The following SH3BP1 variants were observed in gnomAD, a reference collection of about 807,000 sequenced individuals.
The protein encoded by SH3BP1 is SH3 domain-binding protein 1.
SH3BP1 carries 46 observed loss-of-function variants against 69.8 expected under a neutral mutation model. The ratio of observed to expected loss-of-function variants is 0.66; its 90% CI spans 0.52 to 0.84. The LOEUF (loss-of-function observed/expected upper bound fraction) is 0.84. Ranked by LOEUF, SH3BP1 falls within the 40% of genes least tolerant of loss-of-function variation. The probability of loss-of-function intolerance (pLI) is 0.00; values close to 1 mark genes in which losing one functional copy is unlikely to be tolerated. For synonymous variants in SH3BP1, 403 were observed against 378.0 expected, an observed-to-expected ratio of 1.07 and a Z score of -0.77; for missense variants, 868 against 930.9, an observed-to-expected ratio of 0.93 and a Z score of 0.88.
chr22:37,647,008 G>C, intron 11 of SH3BP1, 79 bp downstream of exon 11: 1 of 973,810 alleles, frequency 1.0e-6, no homozygotes, highest in Non-Finnish European at 1.5e-6. Flanking sequence ...AAGATAGCCT[G>C]GCTTTAAGAC....
In SH3BP1 at chr22:37,650,214, C is replaced by T. The variant is rs777732036; in HGVS notation, c.1379C>T (p.Ala460Val). ...ATCCAGGTGGTGGGCGTCGTCGAGG[C>T]GCTGATCCAGAGCGCAGACACCCTC... ...SSIQVVGVVE[A>V]LIQSADTLFP... The change falls in exon 15 of 18, where the codon GCG becomes GTG. Residue 460 changes from alanine (A) to valine (V), a missense_variant. Transcript: ENST00000649765. 10 of 1,613,488 alleles carry T rather than the reference C, an allele frequency of 6.2e-6. No homozygotes were observed. Among genetic ancestry groups the T allele is most frequent in the East Asian group, 4.5e-5 (2 of 44,872 alleles).
At chr22:37,641,286 C>T (rs955786962) in intron 2 of SH3BP1, 88 bp from the exon 3 acceptor site, 40 of 1,508,916 alleles carry the variant, frequency 2.7e-5, no homozygotes, top group Non-Finnish European at 3.5e-5. Context: ...AAGCTGTTGG[C>T]CATGGGGTCC....
At chr22:37,654,009 A>C in intron 17 of SH3BP1, 136 bp downstream of exon 17, 2 of 653,646 alleles carry the variant, frequency 3.1e-6, no homozygotes, top group Non-Finnish European at 5.4e-6. Flanking sequence ...AGGTCTTGCC[A>C]CCTGGCACTC....
At position 37,655,306 on chromosome 22, in the gene SH3BP1, G is replaced by T; in HGVS notation, c.1728G>T (p.Pro576=). 1 of 1,472,234 alleles carries T rather than the reference G, an allele frequency of 6.8e-7. No individual in the cohort carries two copies. The highest frequency in any genetic ancestry group is 9.0e-7 in the Non-Finnish European group (1 of 1,111,890). The allele number at this position is 1,472,234 out of a possible 1,614,324, so 91.2% of individuals were successfully genotyped here. A position where few individuals can be genotyped will look rare whatever the true frequency, so the allele number is the denominator to read the frequency against. The change falls in exon 18 of 18, where the codon CCG becomes CCT. Residue 576 remains proline, a synonymous_variant. Transcript: ENST00000649765. ...KRPAPARPTM[P]PPQVSGSRSS... is the part of the protein sequence containing the mutation. Reference sequence around the variant, plus strand: ...CGGCGCCAGCCCGGCCCACCATGCCGCCCCCCCAGGTCTCCGGCTCCCGCT... The same window carrying T: ...CGGCGCCAGCCCGGCCCACCATGCCTCCCCCCCAGGTCTCCGGCTCCCGCT...
At position 37,647,413 on chromosome 22, in the gene SH3BP1, G is replaced by C. The variant is rs780561813; in HGVS notation, c.1119-28G>C. 17 of 1,611,152 alleles carry C rather than the reference G, an allele frequency of 1.1e-5. No individual in the cohort carries two copies. The East Asian group carries it at 3.8e-4, about 36-fold the overall frequency. ...GATGCAAAGGTGTAGCCCTGCGCTG[G>C]CTGACAGGTCTCTCCACTCCCCCCC... is the stretch of plus-strand genomic sequence containing the variant. On this transcript the variant is annotated intron_variant, in intron 12 of 17. Coordinates refer to ENST00000649765, the MANE Select transcript of SH3BP1 (RefSeq NM_018957.6).
chr22:37,652,205 G>A (rs1932894164), intron 16 of SH3BP1, among the ~76,000 whole-genome samples: 1 of 151,992 alleles, frequency 6.6e-6, no homozygotes, highest in South Asian at 2.1e-4. Context: ...AGCTACTCGG[G>A]AGGCTGAGGC....
chr22:37,652,779 C>T (rs1474725025), intron 16 of SH3BP1, among the ~76,000 whole-genome samples: 3 of 140,278 alleles, frequency 2.1e-5, no homozygotes, highest in East Asian at 4.3e-4. Context: ...GAGCCAAGAT[C>T]GTGCCATTGC....
intron 7 of SH3BP1, among the ~76,000 whole-genome samples, chr22:37,644,374 G>A (rs919050489): frequency 3.3e-5 from 5 of 152,212 alleles, no homozygotes; most frequent in African/African-American, 9.7e-5. Context: ...GTGAGACTCC[G>A]TCTCAAACGA....
intron 16 of SH3BP1, among the ~76,000 whole-genome samples, chr22:37,652,521 G>T (rs896319964): frequency 1.3e-5 from 2 of 151,410 alleles, no homozygotes; most frequent in African/African-American, 2.4e-5. Context: ...AACAGAGTGA[G>T]ATCCTTTCTC....
Position 37,650,653 on chromosome 22 carries a change from C to T in SH3BP1, c.1526C>T (p.Thr509Ile). 3 of 1,614,038 alleles carry T rather than the reference C, an allele frequency of 1.9e-6. No homozygotes were observed. Among genetic ancestry groups the T allele is most frequent in the Non-Finnish European group, 1.7e-6 (2 of 1,180,018 alleles). Residue 509 changes from threonine (T) to isoleucine (I), a missense_variant, in exon 16 of 18, where the codon ACC becomes ATC. Coordinates refer to ENST00000649765, the MANE Select transcript of SH3BP1 (RefSeq NM_018957.6). ...TCCACTGCCGTGCCCACCCCAGCCA[C>T]CACCCCGGCTCCGGCTCCGGCTCCA... ...LPSTAVPTPA[T>I]TPAPAPAPAP...
Position 37,646,826 on chromosome 22 carries a change from C to T in SH3BP1, c.933C>T (p.Phe311=), listed in dbSNP as rs769545953. ...LSEGMKEEGL[F]RLAAGASVLK... ...CCTCCTCTCGAACCCAGGGTCTCTT[C>T]CGTCTGGCTGCTGGGGCCTCGGTGC... Residue 311 remains phenylalanine, a synonymous_variant, in exon 11 of 18, where the codon TTC becomes TTT. Coordinates refer to ENST00000649765, the MANE Select transcript of SH3BP1 (RefSeq NM_018957.6). 6.5e-5 allele frequency: 99 copies of T among 1,533,552 alleles called. No homozygotes were observed. The highest frequency in any genetic ancestry group is 8.2e-5 in the Non-Finnish European group (94 of 1,142,446). The allele number at this position is 1,533,552 out of a possible 1,614,324, so 95.0% of individuals were successfully genotyped here.
rs764340081 is a variant in SH3BP1, at chr22:37,642,698, T to C, written c.284+83T>C. The stretch of plus-strand genomic sequence containing the variant: ...GGAGGGGGTCCAGGTGGTGAGGGCA[T>C]CCACATCAGAAGAATGACCAGGCTG... On this transcript the variant is annotated intron_variant, in intron 4 of 17. Coordinates refer to ENST00000649765, the MANE Select transcript of SH3BP1 (RefSeq NM_018957.6). The C allele has an allele frequency of 4.3e-6, 7 of 1,609,586 alleles. No homozygotes were observed. The East Asian group carries it at 1.6e-4, about 36-fold the overall frequency.
chr22:37,644,010 G>A (rs1569006499), intron 7 of SH3BP1, among the ~76,000 whole-genome samples: 1 of 152,246 alleles, frequency 6.6e-6, no homozygotes, highest in African/African-American at 2.4e-5. Flanking sequence ...GAGTCTCCAT[G>A]TGTTTGTTTG....
Position 37,644,879 on chromosome 22 carries a change from A to G in SH3BP1, c.697A>G (p.Ile233Val), listed in dbSNP as rs1601583273. ...YANYFIRLLE[I>V]QADYHRRSLS... ...CCCTTCATCCCCACAGCTCCTGGAGATTCAGGCCGATTACCATCGCAGGTC... is the reference window on the plus strand; with the variant it reads ...CCCTTCATCCCCACAGCTCCTGGAGGTTCAGGCCGATTACCATCGCAGGTC... The change falls in exon 9 of 18, where the codon ATT becomes GTT. Residue 233 changes from isoleucine to valine, a missense_variant. Ile to Val is a conservative substitution (Grantham distance 29, BLOSUM62 3). Coordinates refer to ENST00000649765, the MANE Select transcript of SH3BP1 (RefSeq NM_018957.6). 3 of 1,613,852 alleles carry G rather than the reference A, an allele frequency of 1.9e-6. No homozygotes were observed. In the African/African-American group the frequency reaches 4.0e-5, roughly 22 times the overall value.
chr22:37,645,873 G>A (rs564793006), intron 10 of SH3BP1, among the ~76,000 whole-genome samples: 2 of 151,932 alleles, frequency 1.3e-5, no homozygotes, highest in Admixed American at 1.3e-4. Context: ...CTGTCCTGAA[G>A]ATAGACCCTA....
In SH3BP1 at chr22:37,650,642, C is replaced by T; in HGVS notation, c.1515C>T (p.Pro505=). The T allele has an allele frequency of 1.2e-6, 2 of 1,613,936 alleles. No individual in the cohort carries two copies. Among genetic ancestry groups the T allele is most frequent in the Admixed American group, 1.7e-5 (1 of 60,026 alleles). The part of the protein sequence containing the change: ...ASEELPSTAV[P]TPATTPAPAP... ...AGGAACTTCCGTCCACTGCCGTGCC[C>T]ACCCCAGCCACCACCCCGGCTCCGG... is the stretch of plus-strand genomic sequence containing the variant. Residue 505 remains proline, a synonymous_variant, in exon 16 of 18, where the codon CCC becomes CCT. Transcript: ENST00000649765.
Position 37,641,384 on chromosome 22 carries a change from G to A in SH3BP1, c.113G>A (p.Arg38Gln), listed in dbSNP as rs913082754. The A allele has an allele frequency of 1.3e-5, 20 of 1,550,790 alleles. No homozygotes were observed. The highest frequency in any genetic ancestry group is 2.7e-5 in the African/African-American group (2 of 73,058). ...LGEDLLQVEQ[R>Q]LEPAKRAAHN... is the part of the protein sequence containing the mutation. The stretch of plus-strand genomic sequence containing the variant: ...ATACCTCCTTCCCAGGTAGAACAGC[G>A]GCTGGAGCCGGCCAAGCGGGCAGCC... Residue 38 changes from arginine (R) to glutamine (Q), a missense_variant, in exon 3 of 18, where the codon CGG becomes CAG. Transcript: ENST00000649765.
chr22:37,646,847 G>C lies in SH3BP1; in HGVS notation c.954G>C (p.Ser318=), dbSNP rs768374503. The C allele has an allele frequency of 6.4e-7, 1 of 1,553,194 alleles. No homozygotes were observed. The highest frequency in any genetic ancestry group is 8.7e-7 in the Non-Finnish European group (1 of 1,151,786). ...EGLFRLAAGA[S]VLKRLKQTMA... is the part of the protein sequence containing the mutation. ...TCTTCCGTCTGGCTGCTGGGGCCTC[G>C]GTGCTGAAGCGTCTCAAGCAGACAA... The change falls in exon 11 of 18, where the codon TCG becomes TCC. Residue 318 remains serine, a synonymous_variant. Transcript: ENST00000649765.
rs749691892 is a variant in SH3BP1 at position 37,650,687 on chromosome 22, T to A, written c.1560T>A (p.Ala520=). The change falls in exon 16 of 18, where the codon GCT becomes GCA. Residue 520 remains alanine, a synonymous_variant. Coordinates refer to ENST00000649765, the MANE Select transcript of SH3BP1 (RefSeq NM_018957.6). ...TPAPAPAPAP[A]PAPALASAAT... ...CTCCGGCTCCGGCTCCAGCTCCAGC[T>A]CCGGCCCCAGCCTTGGCTTCAGCAG... 10 of 1,613,192 alleles carry A rather than the reference T, an allele frequency of 6.2e-6. No homozygotes were observed. The highest frequency in any genetic ancestry group is 1.7e-5 in the Admixed American group (1 of 59,926).
Sources: allele counts gnomAD v4.1 joint callset (sites outside exome capture counted in the v4.1 genomes callset), GRCh38; gene constraint gnomAD v4.1.1; transcripts MANE v1.5; gene names NCBI Gene and HGNC (gene_info 2026-07-23, HGNC 2026-07-21).